Variants in CSMD3 observed in about 807,000 individuals in gnomAD.
CSMD3 encodes the protein CUB and Sushi multiple domains 3.
CSMD3 carries 177 observed loss-of-function variants against 435.2 expected under a neutral mutation model. The observed-to-expected ratio is 0.41, with a 90% CI of 0.36 to 0.46. The LOEUF is 0.46. Among genes scored for constraint, CSMD3 ranks in the 20% least tolerant of loss-of-function variants. The pLI, the probability that CSMD3 is intolerant of heterozygous loss-of-function variation, is 0.34. For missense variants in CSMD3, 4,265 were observed against 4,504.6 expected, an observed-to-expected ratio of 0.95 and a Z score of 1.52; for synonymous variants, 1,656 against 1,520.5, an observed-to-expected ratio of 1.09 and a Z score of -2.07.
chr8:112,259,522 TG>T (rs1816180403), intron 61 of CSMD3, among the ~76,000 whole-genome samples: 1 of 152,128 alleles, frequency 6.6e-6, no homozygotes, highest in Non-Finnish European at 1.5e-5. Flanking sequence ...CAAACCACCA[TG>T]GCATGTGTAT....
At chr8:113,024,000 G>A (rs189073633) in intron 5 of CSMD3, among the ~76,000 whole-genome samples, 21 of 152,094 alleles carry the variant, frequency 1.4e-4, no homozygotes, top group Admixed American at 1.1e-3. Context: ...ACCCTACAGT[G>A]CAATAGGACA....
intron 1 of CSMD3, among the ~76,000 whole-genome samples, chr8:113,415,400 A>C (rs2094577466): frequency 6.6e-6 from 1 of 152,212 alleles, no homozygotes; most frequent in Admixed American, 6.5e-5. Flanking sequence ...AGGCCTGTAC[A>C]AAGAAGGCTA....
rs1227870322 is a variant in CSMD3 at position 112,690,905 on chromosome 8, A to C, written c.1973-855T>G. ...AAAAAAATACAAATTAAAAAAATGT[A>C]ACTTTAAGATAAAGTTATAGTCTCT... On this transcript the variant is annotated intron_variant, in intron 13 of 70. Coordinates refer to ENST00000297405, the MANE Select transcript of CSMD3 (RefSeq NM_198123.2). 3.9e-5 allele frequency among the ~76,000 whole-genome samples: 6 copies of C among 152,198 alleles called. No homozygotes were observed. In the East Asian group the frequency reaches 1.2e-3, roughly 30 times the overall value.
chr8:113,278,616 G>A lies in CSMD3; in HGVS notation c.490C>T (p.His164Tyr), dbSNP rs748470330. The A allele has an allele frequency of 1.3e-6, 2 of 1,572,326 alleles. No individual in the cohort carries two copies. The highest frequency in any genetic ancestry group is 1.8e-6 in the Non-Finnish European group (2 of 1,142,502). Residue 164 changes from histidine (H) to tyrosine (Y), a missense_variant, in exon 3 of 71, where the codon CAT becomes TAT. Transcript: ENST00000297405. ...CCTTCGTAATATACCTTAAATCCAT[G>A]AGCACTAACTGCAAAATCACTGGTC... Reference protein sequence around the residue: ...RLTSDFAVSAHGFKVYYEELQ... With the variant: ...RLTSDFAVSAYGFKVYYEELQ...
chr8:112,355,569 C>T (rs1826515872), intron 38 of CSMD3, among the ~76,000 whole-genome samples: 3 of 152,194 alleles, frequency 2.0e-5, no homozygotes, highest in South Asian at 4.1e-4. Context: ...CGTGGTGGCT[C>T]ATGCCTGTAA....
intron 10 of CSMD3, among the ~76,000 whole-genome samples, chr8:112,913,731 C>A (rs1020241594): frequency 1.3e-5 from 2 of 151,106 alleles, no homozygotes; most frequent in African/African-American, 4.9e-5. Flanking sequence ...CTTTCATCAC[C>A]CTGTGGCTTT....
At chr8:112,448,849 T>C (rs1815938386) in intron 32 of CSMD3, among the ~76,000 whole-genome samples, 1 of 151,562 alleles carries the variant, frequency 6.6e-6, no homozygotes, top group Non-Finnish European at 1.5e-5. Context: ...CAGAAAGGAA[T>C]TCAGGTTAAT....
intron 10 of CSMD3, among the ~76,000 whole-genome samples, chr8:112,871,522 C>A (rs2081134729): frequency 6.6e-6 from 1 of 152,058 alleles, no homozygotes. Flanking sequence ...AGTGAGAAGA[C>A]CAGCACTGGA....
chr8:113,255,778 T>G (rs567995337), intron 3 of CSMD3, among the ~76,000 whole-genome samples: 1 of 151,910 alleles, frequency 6.6e-6, no homozygotes, highest in East Asian at 1.9e-4. Context: ...AGTGTTCATA[T>G]CTACTGTTTG....
rs556764754 is a variant in CSMD3, at chr8:113,043,240, A to T, written c.918-24061T>A. 7.2e-5 allele frequency among the ~76,000 whole-genome samples: 11 copies of T among 152,276 alleles called. No individual in the cohort carries two copies. In the East Asian group the frequency reaches 2.1e-3, roughly 29 times the overall value. On this transcript the variant is annotated intron_variant, in intron 5 of 70. Transcript: ENST00000297405. ...TTTATGTCTTAATCATCACTTCTCAATTCTTCTCCCTCCTTGCCTTGTTCT... is the reference window on the plus strand; with the variant it reads ...TTTATGTCTTAATCATCACTTCTCATTTCTTCTCCCTCCTTGCCTTGTTCT...
At chr8:112,851,336 C>T (rs892452466) in intron 11 of CSMD3, among the ~76,000 whole-genome samples, 1 of 152,070 alleles carries the variant, frequency 6.6e-6, no homozygotes, top group Non-Finnish European at 1.5e-5. Context: ...AGCAAAAAAA[C>T]TAACATGGAT....
At chr8:112,953,019 G>A (rs2083882641) in intron 8 of CSMD3, among the ~76,000 whole-genome samples, 1 of 151,276 alleles carries the variant, frequency 6.6e-6, no homozygotes, top group South Asian at 2.1e-4. Flanking sequence ...ACAATGCCTT[G>A]ATAAATCCTA....
intron 22 of CSMD3, among the ~76,000 whole-genome samples, chr8:112,592,751 T>C (rs2131374961): frequency 6.6e-6 from 1 of 152,268 alleles, no homozygotes; most frequent in East Asian, 1.9e-4. Context: ...CTGTGCTCAG[T>C]TATTTATTAA....
At chr8:113,052,854 T>A (rs2088157667) in intron 5 of CSMD3, among the ~76,000 whole-genome samples, 1 of 152,210 alleles carries the variant, frequency 6.6e-6, no homozygotes, top group African/African-American at 2.4e-5. Flanking sequence ...ATGTGGATTT[T>A]ACAATAAAAT....
At chr8:112,448,948 T>G (rs1815953259) in intron 32 of CSMD3, among the ~76,000 whole-genome samples, 1 of 152,150 alleles carries the variant, frequency 6.6e-6, no homozygotes, top group African/African-American at 2.4e-5. Context: ...AAAGGGATCT[T>G]GAGATCTGGA....
intron 9 of CSMD3, among the ~76,000 whole-genome samples, chr8:112,945,637 A>C (rs1438163362): frequency 7.0e-6 from 1 of 141,886 alleles, no homozygotes; most frequent in African/African-American, 2.6e-5. Context: ...TAATATTCTG[A>C]GTTTTAAATG....
At chr8:112,793,662 G>A (rs908998233) in intron 13 of CSMD3, among the ~76,000 whole-genome samples, 3 of 152,200 alleles carry the variant, frequency 2.0e-5, no homozygotes, top group Non-Finnish European at 2.9e-5. Context: ...AAAAAGGAAA[G>A]TGATGCACAG....
chr8:112,755,466 C>T (rs2077676629), intron 13 of CSMD3, among the ~76,000 whole-genome samples: 1 of 151,572 alleles, frequency 6.6e-6, no homozygotes, highest in South Asian at 2.1e-4. Flanking sequence ...TCGTTCTGCA[C>T]TTCTCCTTGC....
intron 1 of CSMD3, among the ~76,000 whole-genome samples, chr8:113,366,370 C>T (rs539758409): frequency 1.8e-4 from 28 of 151,948 alleles, no homozygotes; most frequent in African/African-American, 5.5e-4. Context: ...AGTACCTCAA[C>T]GCTCCCCCAT....
Sources: allele counts gnomAD v4.1 joint callset (sites outside exome capture counted in the v4.1 genomes callset), GRCh38; gene constraint gnomAD v4.1.1; transcripts MANE v1.5; gene names NCBI Gene and HGNC (gene_info 2026-07-23, HGNC 2026-07-21).